MAGI2: variants seen among roughly 807,000 people sequenced by gnomAD.
MAGI2 encodes the protein membrane-associated guanylate kinase, WW and PDZ domain-containing protein 2.
A neutral mutation model predicts 133.3 loss-of-function variants in MAGI2; 35 were observed. That is an observed-to-expected ratio of 0.26 (90% confidence interval 0.20 to 0.35). MAGI2 has a LOEUF of 0.35. MAGI2 is among the 10% of genes least tolerant of loss of function. The pLI is 1.00. For synonymous variants in MAGI2, 729 were observed against 710.6 expected (o/e 1.03, Z -0.41); for missense variants, 1,636 against 1,863.4 (o/e 0.88, Z 2.25).
rs373777128 is a variant in MAGI2 at position 78,762,934 on chromosome 7, T to C, written c.419-135695A>G. On this transcript the variant is annotated intron_variant, in intron 2 of 21. Transcript: ENST00000354212. ...GTTTAGTTTGGTACACTGGCTAGAA[T>C]GGTTGTTGAGACAAGTATGAAAAAA... 3.9e-5 allele frequency among the ~76,000 whole-genome samples: 6 copies of C among 152,300 alleles called. No individual in the cohort carries two copies. In the South Asian group the frequency reaches 6.2e-4, roughly 16 times the overall value.
intron 6 of MAGI2, among the ~76,000 whole-genome samples, chr7:78,429,967 T>A (rs1799639684): frequency 6.6e-6 from 1 of 152,168 alleles, no homozygotes; most frequent in African/African-American, 2.4e-5. Flanking sequence ...TCAGGCATTT[T>A]GGATCCAGAA....
chr7:79,235,475 G>C (rs28757842), intron 1 of MAGI2, among the ~76,000 whole-genome samples: 86,129 of 151,498 alleles, frequency 0.57, 26,176 homozygotes, highest in Non-Finnish European at 0.68. Flanking sequence ...CTCCAAGCCA[G>C]GTGCGGGATA....
In MAGI2 at chr7:78,036,056, C is replaced by CGTGTGTGTGT. The variant is rs3840613; in HGVS notation, c.3707-16090_3707-16081dup. Among the ~76,000 whole-genome samples the CGTGTGTGTGT allele has an allele frequency of 5.3e-3, 795 of 151,102 alleles. 6 individuals are homozygous for CGTGTGTGTGT. Among genetic ancestry groups the CGTGTGTGTGT allele is most frequent in the African/African-American group, 0.016 (653 of 41,288 alleles). On this transcript the variant is annotated intron_variant, in intron 21 of 21. Coordinates refer to ENST00000354212, the MANE Select transcript of MAGI2 (RefSeq NM_012301.4). ...ATGCACGTTTGTGTGTGTGTGTCTG[C>CGTGTGTGTGT]GTGTGTGTGTGTATTTTTTAAGGCA...
intron 2 of MAGI2, among the ~76,000 whole-genome samples, chr7:78,718,339 C>A (rs1012352521): frequency 5.9e-5 from 9 of 152,188 alleles, no homozygotes; most frequent in Non-Finnish European, 1.2e-4. Flanking sequence ...CAGGGGTCCT[C>A]AACCCCTGGG....
At chr7:78,054,818 A>C (rs1356454778) in intron 21 of MAGI2, among the ~76,000 whole-genome samples, 2 of 151,782 alleles carry the variant, frequency 1.3e-5, no homozygotes, top group Non-Finnish European at 2.9e-5. Flanking sequence ...AAGCCTGGTT[A>C]ATCTTTGTAT....
At position 78,489,882 on chromosome 7, in the gene MAGI2, A is replaced by C. The variant is rs1990577; in HGVS notation, c.966-42T>G. On this transcript the variant is annotated intron_variant, in intron 5 of 21. Coordinates refer to ENST00000354212, the MANE Select transcript of MAGI2 (RefSeq NM_012301.4). ...TCACTCTGAACAGACACATACTAAAAGGAATCAAGTTTATTCCTTAAGAAA... is the reference window on the plus strand; with the variant it reads ...TCACTCTGAACAGACACATACTAAACGGAATCAAGTTTATTCCTTAAGAAA... 794,969 of 1,432,782 alleles carry C rather than the reference A, an allele frequency of 0.55. 223,275 individuals carry two copies. The highest frequency in any genetic ancestry group is 0.76 in the East Asian group (33,480 of 43,896). The allele number at this position is 1,432,782 out of a possible 1,614,324, so 88.8% of individuals were successfully genotyped here.
chr7:78,686,183 T>G (rs993175406), intron 2 of MAGI2, among the ~76,000 whole-genome samples: 3 of 152,068 alleles, frequency 2.0e-5, no homozygotes, highest in African/African-American at 4.8e-5. Flanking sequence ...TGAGGTAAGC[T>G]TTTCTTTCAT....
intron 1 of MAGI2, among the ~76,000 whole-genome samples, chr7:79,324,127 T>C (rs1839410898): frequency 6.6e-6 from 1 of 151,228 alleles, no homozygotes; most frequent in Admixed American, 6.6e-5. Flanking sequence ...ACCTATTTTA[T>C]AGTGCTAAAC....
chr7:78,399,804 CAAAAAAAA>C (rs3061269), intron 6 of MAGI2, among the ~76,000 whole-genome samples: 4 of 69,708 alleles, frequency 5.7e-5, no homozygotes, highest in Non-Finnish European at 5.3e-5. Context: ...GACTTTGTAT[CAAAAAAAA>C]AAAAAAAAAA....
intron 21 of MAGI2, among the ~76,000 whole-genome samples, chr7:78,057,299 A>G (rs1434817849): frequency 6.6e-6 from 1 of 151,864 alleles, no homozygotes; most frequent in African/African-American, 2.4e-5. Context: ...TTGGAGTGCA[A>G]TAGTGCGATC....
chr7:78,808,446 C>T (rs1788765927), intron 2 of MAGI2, among the ~76,000 whole-genome samples: 1 of 151,978 alleles, frequency 6.6e-6, no homozygotes, highest in African/African-American at 2.4e-5. Flanking sequence ...TTAGTAGAGA[C>T]GGGGTTTTAC....
intron 9 of MAGI2, among the ~76,000 whole-genome samples, chr7:78,321,107 A>G (rs1471379162): frequency 6.6e-6 from 1 of 152,222 alleles, no homozygotes; most frequent in African/African-American, 2.4e-5. Flanking sequence ...CCACTGCTCA[A>G]GGAAATCAGA....
intron 1 of MAGI2, among the ~76,000 whole-genome samples, chr7:79,117,966 G>T (rs1422304865): frequency 6.6e-6 from 1 of 152,136 alleles, no homozygotes; most frequent in Non-Finnish European, 1.5e-5. Flanking sequence ...CAGGTGATAG[G>T]TGTTCTCTAT....
chr7:79,192,103 C>T (rs1000061812), intron 1 of MAGI2, among the ~76,000 whole-genome samples: 3 of 151,788 alleles, frequency 2.0e-5, no homozygotes, highest in African/African-American at 7.3e-5. Context: ...TATCACACTC[C>T]CACTTAAATT....
intron 6 of MAGI2, among the ~76,000 whole-genome samples, chr7:78,472,849 T>C (rs1440756132): frequency 6.6e-6 from 1 of 152,106 alleles, no homozygotes; most frequent in Non-Finnish European, 1.5e-5. Flanking sequence ...GAGAGGAAGC[T>C]GGTGAGCATT....
chr7:78,645,674 C>T (rs1270194822), intron 2 of MAGI2, among the ~76,000 whole-genome samples: 1 of 138,816 alleles, frequency 7.2e-6, no homozygotes, highest in Non-Finnish European at 1.6e-5. Context: ...TGTGTGTATA[C>T]CATTTACGTG....
chr7:79,326,660 A>T (rs1585583621), intron 1 of MAGI2, among the ~76,000 whole-genome samples: 1 of 148,850 alleles, frequency 6.7e-6, no homozygotes, highest in Non-Finnish European at 1.5e-5. Flanking sequence ...TCAGTGATAC[A>T]TTTTTTTTTT....
chr7:79,311,647 T>C (rs1001130506), intron 1 of MAGI2, among the ~76,000 whole-genome samples: 5 of 152,134 alleles, frequency 3.3e-5, no homozygotes, highest in African/African-American at 1.2e-4. Flanking sequence ...TACAAGCAGA[T>C]GATTCCCAAA....
In MAGI2 at chr7:78,546,659, C is replaced by T. The variant is rs547106934; in HGVS notation, c.539-25014G>A. 6.2e-4 allele frequency among the ~76,000 whole-genome samples: 86 copies of T among 139,778 alleles called. 1 individual carries two copies. The highest frequency in any genetic ancestry group is 2.0e-3 in the African/African-American group (74 of 37,240). The allele number at this position is 139,778 out of a possible 152,430, so 91.7% of individuals were successfully genotyped here. ...AAAGAAATGGTCCTTTTATCACACC[C>T]GTTGTCAAAGATCCTCATCTCTCTC... On this transcript the variant is annotated intron_variant, in intron 3 of 21. Transcript: ENST00000354212.
Sources: gnomAD v4.1 joint callset for allele counts (sites outside exome capture counted in the v4.1 genomes callset) on GRCh38, gnomAD v4.1.1 for gene constraint, MANE v1.5 for transcripts, NCBI Gene and HGNC (gene_info 2026-07-23, HGNC 2026-07-21) for gene names.